KLHL4: variants seen among roughly 807,000 people sequenced by gnomAD.
KLHL4 encodes the protein kelch like family member 4.
A neutral mutation model predicts 45.8 loss-of-function variants in KLHL4; 17 were observed. That is an observed-to-expected ratio of 0.37 (90% confidence interval 0.25 to 0.56). KLHL4 has a LOEUF of 0.56. Ranked by LOEUF, KLHL4 falls within the 20% of genes least tolerant of loss-of-function variation. The pLI is 0.79. For synonymous variants in KLHL4, 224 were observed against 189.9 expected (o/e 1.18, Z -1.47); for missense variants, 544 against 544.9 (o/e 1.00, Z 0.02).
chrX:87,609,200 A>G (rs1418315369), intron 1 of KLHL4, among the ~76,000 whole-genome samples: 3 of 112,055 alleles, frequency 2.7e-5, no homozygotes, highest in Non-Finnish European at 5.6e-5. Context: ...TGCTACTGTG[A>G]ACATTGCCGC....
At chrX:87,619,742 C>T (rs186850037) in intron 4 of KLHL4, among the ~76,000 whole-genome samples, 8 of 109,339 alleles carry the variant, frequency 7.3e-5, no homozygotes, top group African/African-American at 2.3e-4. Context: ...GTGACCAAAA[C>T]GGAGTGTTGA....
intron 6 of KLHL4, among the ~76,000 whole-genome samples, chrX:87,631,571 G>C (rs1269575147): frequency 2.7e-5 from 3 of 111,468 alleles, no homozygotes; most frequent in African/African-American, 9.8e-5. Flanking sequence ...ACCCAGGCTG[G>C]TGTGATCTTG....
intron 1 of KLHL4, among the ~76,000 whole-genome samples, chrX:87,552,009 A>G (rs1931837561): frequency 1.8e-5 from 2 of 111,696 alleles, no homozygotes; most frequent in African/African-American, 6.5e-5. Flanking sequence ...TTCATGATCA[A>G]GAACTCAAAA....
At chrX:87,623,105 A>G (rs910773290) in intron 5 of KLHL4, among the ~76,000 whole-genome samples, 1 of 111,112 alleles carries the variant, frequency 9.0e-6, no homozygotes, top group African/African-American at 3.3e-5. Flanking sequence ...TATGCATGTA[A>G]TATCTATTGA....
chrX:87,550,515 C>G (rs1477429630), intron 1 of KLHL4, among the ~76,000 whole-genome samples: 4 of 111,148 alleles, frequency 3.6e-5, no homozygotes, highest in Non-Finnish European at 7.6e-5. Flanking sequence ...ATGAAGCCAG[C>G]ATTACTCTAA....
intron 9 of KLHL4, among the ~76,000 whole-genome samples, chrX:87,642,630 A>G: frequency 8.9e-6 from 1 of 112,446 alleles, no homozygotes; most frequent in Non-Finnish European, 1.9e-5. Context: ...GCGAAGCCCA[A>G]TGCAAGGAAA....
In KLHL4 at chrX:87,528,706, CAAAAAAAAAAAAAAAAAA is replaced by C. The variant is rs1160857135; in HGVS notation, c.422+10405_422+10422del. Reference sequence around the variant, plus strand: ...ATTCCAGCCTGGTAACAAAGCGAGACAAAAAAAAAAAAAAAAAAAAAAAAAAAAAAAGAGTTCCAGGGA... The same window carrying C: ...ATTCCAGCCTGGTAACAAAGCGAGACAAAAAAAAAAAAAGAGTTCCAGGGA... On this transcript the variant is annotated intron_variant, in intron 1 of 10. Coordinates refer to ENST00000373119, the MANE Select transcript of KLHL4 (RefSeq NM_019117.5). 2.5e-4 allele frequency among the ~76,000 whole-genome samples: 8 copies of C among 31,501 alleles called. No individual in the cohort carries two copies. In the Admixed American group the frequency reaches 3.4e-3, roughly 13 times the overall value. The allele number at this position is 31,501 out of a possible 115,157, so 27.4% of individuals were successfully genotyped here. A position where few individuals can be genotyped will look rare whatever the true frequency, so the allele number is the denominator to read the frequency against.
At chrX:87,567,288 T>A (rs775923858) in intron 1 of KLHL4, among the ~76,000 whole-genome samples, 3 of 110,401 alleles carry the variant, frequency 2.7e-5, no homozygotes, top group Non-Finnish European at 5.7e-5. Context: ...AAACAAAACA[T>A]AAACAAATAA....
chrX:87,608,382 A>C, intron 1 of KLHL4, among the ~76,000 whole-genome samples: 1 of 110,866 alleles, frequency 9.0e-6, no homozygotes, highest in Non-Finnish European at 1.9e-5. Flanking sequence ...CTCTGACCTC[A>C]CCATTCTCTT....
At chrX:87,616,872 A>G (rs1602446269) in intron 3 of KLHL4, among the ~76,000 whole-genome samples, 2 of 111,280 alleles carry the variant, frequency 1.8e-5, no homozygotes, top group African/African-American at 6.5e-5. Context: ...CCTTTACAAT[A>G]TATTTTACAG....
chrX:87,580,523 A>G (rs915125512), intron 1 of KLHL4, among the ~76,000 whole-genome samples: 1 of 111,356 alleles, frequency 9.0e-6, no homozygotes, highest in Admixed American at 9.6e-5. Context: ...AGTGATAGAA[A>G]ATGATATGCT....
At chrX:87,631,999 T>C (rs1194361978) in intron 6 of KLHL4, among the ~76,000 whole-genome samples, 1 of 111,940 alleles carries the variant, frequency 8.9e-6, no homozygotes, top group Non-Finnish European at 1.9e-5. Flanking sequence ...AACATTTTAT[T>C]TTGACTCTTC....
intron 1 of KLHL4, among the ~76,000 whole-genome samples, chrX:87,534,073 G>A (rs1931376565): frequency 9.0e-6 from 1 of 111,319 alleles, no homozygotes; most frequent in Admixed American, 9.7e-5. Flanking sequence ...TACTCAGCAG[G>A]AATAAAAGAA....
intron 9 of KLHL4, among the ~76,000 whole-genome samples, chrX:87,662,612 G>A (rs1924225926): frequency 9.0e-6 from 1 of 111,367 alleles, no homozygotes. Context: ...ACGCAAAGTT[G>A]TAAAACAGGC....
intron 9 of KLHL4, among the ~76,000 whole-genome samples, chrX:87,653,085 C>A (rs189264041): frequency 9.0e-6 from 1 of 111,361 alleles, no homozygotes; most frequent in African/African-American, 3.3e-5. Flanking sequence ...GAAAAACTGC[C>A]GCCATGATTC....
chrX:87,589,164 G>C (rs1250128728), intron 1 of KLHL4, among the ~76,000 whole-genome samples: 2 of 111,951 alleles, frequency 1.8e-5, no homozygotes, highest in Non-Finnish European at 3.8e-5. Flanking sequence ...AACAAATGCT[G>C]GTGGGGATGT....
At chrX:87,576,549 G>A (rs1358271574) in intron 1 of KLHL4, among the ~76,000 whole-genome samples, 1 of 111,518 alleles carries the variant, frequency 9.0e-6, no homozygotes. Flanking sequence ...AATCTTCAAT[G>A]ATAAATGAAG....
chrX:87,662,310 A>T (rs1166213483), intron 9 of KLHL4, among the ~76,000 whole-genome samples: 1 of 111,981 alleles, frequency 8.9e-6, no homozygotes, highest in Non-Finnish European at 1.9e-5. Flanking sequence ...TAAAATGAAC[A>T]TGTGTTAAAC....
chrX:87,654,963 A>T (rs1394986161), intron 9 of KLHL4, among the ~76,000 whole-genome samples: 1 of 111,760 alleles, frequency 8.9e-6, no homozygotes, highest in Non-Finnish European at 1.9e-5. Flanking sequence ...TTATCTCTTC[A>T]TATTACTTGA....
Sources: gnomAD v4.1 joint callset for allele counts (sites outside exome capture counted in the v4.1 genomes callset) on GRCh38, gnomAD v4.1.1 for gene constraint, MANE v1.5 for transcripts, NCBI Gene and HGNC (gene_info 2026-07-23, HGNC 2026-07-21) for gene names.